RBFOX1: variants seen among roughly 807,000 people sequenced by gnomAD.
The protein encoded by RBFOX1 is RNA binding protein fox-1 homolog 1.
RBFOX1 carries 8 observed loss-of-function variants against 57.7 expected under a neutral mutation model. The ratio of observed to expected loss-of-function variants is 0.14; its 90% CI spans 0.08 to 0.25. The LOEUF is 0.25. Ranked by LOEUF, RBFOX1 falls within the 10% of genes least tolerant of loss-of-function variation. The pLI is 1.00. For missense variants in RBFOX1, 611 were observed against 548.5 expected (o/e 1.11, Z -1.14); for synonymous variants, 326 against 222.4 (o/e 1.47, Z -4.15).
chr16:7,124,055 T>C (rs2067821988), intron 4 of RBFOX1, among the ~76,000 whole-genome samples: 1 of 152,196 alleles, frequency 6.6e-6, no homozygotes, highest in African/African-American at 2.4e-5. Context: ...TTTAGAAATA[T>C]TACACATATA....
chr16:6,540,321 AACTC>A (rs1375498649), intron 2 of RBFOX1, among the ~76,000 whole-genome samples: 10 of 151,344 alleles, frequency 6.6e-5, no homozygotes, highest in South Asian at 2.1e-4. Flanking sequence ...AAAAAAAAAA[AACTC>A]AACTCAGGCC....
At chr16:5,883,854 T>G (rs1476030417) in intron 4 of RBFOX1, among the ~76,000 whole-genome samples, 1 of 152,198 alleles carries the variant, frequency 6.6e-6, no homozygotes, top group Admixed American at 6.5e-5. Context: ...AATGCTGTGG[T>G]TTAAATAATA....
At chr16:5,452,999 C>T (rs1449632205) in intron 1 of RBFOX1, among the ~76,000 whole-genome samples, 3 of 152,164 alleles carry the variant, frequency 2.0e-5, no homozygotes, top group Non-Finnish European at 4.4e-5. Context: ...TTCACTGCTC[C>T]TGGGCATTTC....
rs202021177 is a variant in RBFOX1 at position 6,450,850 on chromosome 16, T to C, written c.-64+133793T>C. The stretch of plus-strand genomic sequence containing the variant: ...ATATATATATATGTGTATATATATA[T>C]ATATATATATATATATATATATATC... On this transcript the variant is annotated intron_variant, in intron 2 of 15. Coordinates refer to ENST00000550418, the MANE Select transcript of RBFOX1 (RefSeq NM_018723.4). 7.2e-4 allele frequency among the ~76,000 whole-genome samples: 38 copies of C among 52,750 alleles called. 6 individuals carry two copies. The highest frequency in any genetic ancestry group is 2.4e-3 in the East Asian group (4 of 1,674). The allele number at this position is 52,750 out of a possible 152,430, so 34.6% of individuals were successfully genotyped here.
intron 3 of RBFOX1, among the ~76,000 whole-genome samples, chr16:5,700,332 C>G (rs962568556): frequency 6.6e-6 from 1 of 151,928 alleles, no homozygotes; most frequent in Non-Finnish European, 1.5e-5. Context: ...GTAATGTGTC[C>G]TGGTCTTTCT....
At chr16:6,499,700 GC>G (rs895522887) in intron 2 of RBFOX1, among the ~76,000 whole-genome samples, 3 of 151,898 alleles carry the variant, frequency 2.0e-5, no homozygotes, top group African/African-American at 7.3e-5. Flanking sequence ...TCCTATGTTG[GC>G]TGGTTTTCCC....
chr16:6,766,028 C>A (rs1040113812), intron 3 of RBFOX1, among the ~76,000 whole-genome samples: 1 of 152,050 alleles, frequency 6.6e-6, no homozygotes, highest in African/African-American at 2.4e-5. Context: ...TTTAGTACAA[C>A]GTACACTACT....
intron 2 of RBFOX1, among the ~76,000 whole-genome samples, chr16:6,418,363 A>C (rs971427209): frequency 6.6e-6 from 1 of 152,112 alleles, no homozygotes; most frequent in African/African-American, 2.4e-5. Context: ...TCTAGGACTA[A>C]GGGCACATAA....
intron 4 of RBFOX1, among the ~76,000 whole-genome samples, chr16:7,463,135 T>G (rs1339413838): frequency 6.6e-6 from 1 of 152,156 alleles, no homozygotes; most frequent in Non-Finnish European, 1.5e-5. Flanking sequence ...ACTTTTTGGC[T>G]TATAGAAGAT....
chr16:5,979,972 T>C (rs2060139777), intron 4 of RBFOX1, among the ~76,000 whole-genome samples: 1 of 152,198 alleles, frequency 6.6e-6, no homozygotes, highest in Non-Finnish European at 1.5e-5. Context: ...CCAGACAGTC[T>C]GACACCAGAG....
intron 1 of RBFOX1, among the ~76,000 whole-genome samples, chr16:5,322,022 C>G (rs1462752902): frequency 6.6e-6 from 1 of 152,104 alleles, no homozygotes; most frequent in African/African-American, 2.4e-5. Flanking sequence ...TGTCTCCATC[C>G]TACAGATGAA....
intron 4 of RBFOX1, among the ~76,000 whole-genome samples, chr16:7,095,182 G>A (rs1012606711): frequency 2.6e-5 from 4 of 152,050 alleles, no homozygotes; most frequent in Non-Finnish European, 4.4e-5. Flanking sequence ...TGTCGCCCAC[G>A]CTGGAGTGCA....
At chr16:6,483,918 T>G in intron 2 of RBFOX1, 1 of 1,088,064 alleles carries the variant, frequency 9.2e-7, no homozygotes, top group South Asian at 2.9e-5. Flanking sequence ...GGACGCGGTA[T>G]GTAAGCCGAG....
intron 4 of RBFOX1, among the ~76,000 whole-genome samples, chr16:7,098,066 A>C (rs1355831470): frequency 1.3e-5 from 2 of 152,228 alleles, no homozygotes; most frequent in Non-Finnish European, 2.9e-5. Flanking sequence ...TCAATATGCT[A>C]ACTTAAAAGG....
chr16:6,376,570 G>A (rs777362401), intron 2 of RBFOX1, among the ~76,000 whole-genome samples: 2 of 152,098 alleles, frequency 1.3e-5, no homozygotes, highest in Non-Finnish European at 2.9e-5. Context: ...TTACATTGGT[G>A]TCTGTTCACG....
intron 3 of RBFOX1, among the ~76,000 whole-genome samples, chr16:6,721,464 G>A (rs569055209): frequency 3.0e-4 from 45 of 152,178 alleles, no homozygotes; most frequent in Non-Finnish European, 5.1e-4. Flanking sequence ...CAACAAAACC[G>A]TGTTAACCAT....
chr16:6,853,048 G>A (rs1318896801), intron 3 of RBFOX1, among the ~76,000 whole-genome samples: 1 of 152,120 alleles, frequency 6.6e-6, no homozygotes, highest in Admixed American at 6.5e-5. Context: ...TTATTGCCAG[G>A]CAACCCAGAG....
At chr16:7,458,042 C>G (rs963403075) in intron 4 of RBFOX1, among the ~76,000 whole-genome samples, 8 of 152,160 alleles carry the variant, frequency 5.3e-5, no homozygotes, top group Admixed American at 5.2e-4. Context: ...TCAGCTTGGA[C>G]ATCTCCTCTT....
At chr16:5,569,691 G>C (rs1413760412) in intron 2 of RBFOX1, among the ~76,000 whole-genome samples, 2 of 151,878 alleles carry the variant, frequency 1.3e-5, no homozygotes, top group Admixed American at 6.6e-5. Context: ...TAACCACTCA[G>C]CTTGGTAGAG....
Sources: allele counts gnomAD v4.1 joint callset (sites outside exome capture counted in the v4.1 genomes callset), GRCh38; gene constraint gnomAD v4.1.1; transcripts MANE v1.5; gene names NCBI Gene and HGNC (gene_info 2026-07-23, HGNC 2026-07-21).